LINGO2: variants seen among roughly 807,000 people sequenced by gnomAD.
The protein encoded by LINGO2 is leucine rich repeat and Ig domain containing 2.
A neutral mutation model predicts 30.6 loss-of-function variants in LINGO2; 14 were observed. The observed-to-expected ratio is 0.46, with a 90% confidence interval of 0.30 to 0.72. The LOEUF is 0.72. LINGO2 is among the 30% of genes least tolerant of loss of function. The pLI is 0.07. For synonymous variants in LINGO2, 317 were observed against 288.5 expected, an observed-to-expected ratio of 1.10 and a Z score of -1.00; for missense variants, 729 against 751.7, an observed-to-expected ratio of 0.97 and a Z score of 0.35.
intron 4 of LINGO2, among the ~76,000 whole-genome samples, chr9:28,139,584 A>G (rs1478296775): frequency 1.3e-5 from 2 of 152,200 alleles, no homozygotes; most frequent in Non-Finnish European, 2.9e-5. Context: ...AGAAATGCTT[A>G]GATTCTTCAG....
intron 4 of LINGO2, among the ~76,000 whole-genome samples, chr9:28,040,185 CAG>C (rs1203700135): frequency 2.6e-5 from 4 of 152,126 alleles, no homozygotes; most frequent in African/African-American, 9.7e-5. Flanking sequence ...ATTAGCAAAA[CAG>C]ATTGATTCAT....
intron 4 of LINGO2, among the ~76,000 whole-genome samples, chr9:28,017,419 T>C (rs564838088): frequency 6.6e-6 from 1 of 152,330 alleles, no homozygotes; most frequent in South Asian, 2.1e-4. Context: ...GCAGACATTA[T>C]GACCGTATTC....
chr9:28,822,731 G>C, the LINGO2 span, among the ~76,000 whole-genome samples: 1 of 152,098 alleles, frequency 6.6e-6, no homozygotes, highest in Non-Finnish European at 1.5e-5. Flanking sequence ...TTCCTCCTCA[G>C]GTTGCAGACG....
intron 1 of LINGO2, among the ~76,000 whole-genome samples, chr9:28,592,601 A>G (rs948558662): frequency 2.6e-5 from 4 of 152,182 alleles, no homozygotes; most frequent in Middle Eastern, 3.4e-3. Context: ...AGTCTTATTG[A>G]GCCTTATTGG....
At chr9:28,664,683 C>G (rs767624408) in intron 1 of LINGO2, among the ~76,000 whole-genome samples, 5 of 151,996 alleles carry the variant, frequency 3.3e-5, no homozygotes, top group Non-Finnish European at 7.4e-5. Context: ...ATGAGATCAT[C>G]ATATCCTCTT....
At chr9:29,170,542 C>T in the LINGO2 span, among the ~76,000 whole-genome samples, 9 of 151,910 alleles carry the variant, frequency 5.9e-5, 1 homozygote, top group Admixed American at 2.6e-4. Flanking sequence ...CACCACTATG[C>T]TATATATCTA....
chr9:29,158,447 C>A, the LINGO2 span, among the ~76,000 whole-genome samples: 1 of 152,114 alleles, frequency 6.6e-6, no homozygotes, highest in East Asian at 1.9e-4. Flanking sequence ...TGAGAACAAG[C>A]AACTGAAAAA....
chr9:28,054,806 T>A (rs1369378224), intron 4 of LINGO2, among the ~76,000 whole-genome samples: 1 of 152,148 alleles, frequency 6.6e-6, no homozygotes, highest in African/African-American at 2.4e-5. Context: ...TAATTTTCAA[T>A]ATTTCCTTAA....
the LINGO2 span, among the ~76,000 whole-genome samples, chr9:29,092,061 T>A: frequency 6.6e-6 from 1 of 151,974 alleles, no homozygotes; most frequent in Non-Finnish European, 1.5e-5. Flanking sequence ...ATGATGATCA[T>A]ACAGATGTAC....
At chr9:28,878,082 G>T in the LINGO2 span, among the ~76,000 whole-genome samples, 2 of 151,966 alleles carry the variant, frequency 1.3e-5, no homozygotes, top group African/African-American at 4.8e-5. Context: ...AAAATTGATA[G>T]ACCACTAGCA....
chr9:28,178,582 A>C (rs572041761), intron 4 of LINGO2, among the ~76,000 whole-genome samples: 15 of 152,284 alleles, frequency 9.9e-5, no homozygotes, highest in Middle Eastern at 6.8e-3. Flanking sequence ...TGGTGATAAC[A>C]GGAAATTATC....
intron 1 of LINGO2, chr9:28,599,092 T>C (rs1049952522): frequency 2.6e-5 from 4 of 152,148 alleles, no homozygotes; most frequent in Admixed American, 2.0e-4. Context: ...TTAGTCTTTA[T>C]TGGAAGAAGT....
intron 4 of LINGO2, among the ~76,000 whole-genome samples, chr9:28,284,840 T>C (rs1823450689): frequency 6.6e-6 from 1 of 152,174 alleles, no homozygotes. Context: ...GTAAAGAAAA[T>C]GCTGTTTACC....
At chr9:29,184,044 G>A in the LINGO2 span, among the ~76,000 whole-genome samples, 34 of 152,150 alleles carry the variant, frequency 2.2e-4, no homozygotes, top group Non-Finnish European at 4.7e-4. Flanking sequence ...GAAGGAACAC[G>A]CTCTTATCTA....
intron 4 of LINGO2, among the ~76,000 whole-genome samples, chr9:28,242,868 A>T (rs1821850105): frequency 6.6e-6 from 1 of 152,224 alleles, no homozygotes; most frequent in African/African-American, 2.4e-5. Flanking sequence ...ATATCCAGCC[A>T]AACTAAGCTT....
chr9:28,607,684 A>C (rs997930571), intron 1 of LINGO2, among the ~76,000 whole-genome samples: 2 of 151,978 alleles, frequency 1.3e-5, no homozygotes, highest in African/African-American at 4.8e-5. Flanking sequence ...ACCAATTCTA[A>C]AGAAAAAGAG....
chr9:28,028,408 C>T (rs1430973903), intron 4 of LINGO2, among the ~76,000 whole-genome samples: 5 of 152,110 alleles, frequency 3.3e-5, no homozygotes, highest in African/African-American at 4.8e-5. Context: ...TAGGATATTA[C>T]GGACATCTAC....
the LINGO2 span, among the ~76,000 whole-genome samples, chr9:29,194,024 T>C: frequency 6.6e-6 from 1 of 152,178 alleles, no homozygotes; most frequent in Non-Finnish European, 1.5e-5. Flanking sequence ...GCTTGTCCTC[T>C]GGAGTCCAGC....
the LINGO2 span, among the ~76,000 whole-genome samples, chr9:28,700,486 T>A: frequency 6.6e-6 from 1 of 152,086 alleles, no homozygotes; most frequent in Non-Finnish European, 1.5e-5. Flanking sequence ...TAGAAATGAA[T>A]AATAATCCAT....
Sources: gnomAD v4.1 joint callset for allele counts (sites outside exome capture counted in the v4.1 genomes callset) on GRCh38, gnomAD v4.1.1 for gene constraint, MANE v1.5 for transcripts, NCBI Gene and HGNC (gene_info 2026-07-23, HGNC 2026-07-21) for gene names.